Variants in RFWD3 observed in about 807,000 individuals in gnomAD.
RFWD3 encodes E3 ubiquitin-protein ligase RFWD3.
In RFWD3, 65 loss-of-function variants were observed where a neutral mutation model predicts 87.7. That is an observed-to-expected ratio of 0.74 (90% CI 0.61 to 0.91). RFWD3 has a LOEUF of 0.91. Ranked by LOEUF, RFWD3 falls within the 40% of genes least tolerant of loss-of-function variation. The pLI, the probability that RFWD3 is intolerant of heterozygous loss-of-function variation, is 0.00. For missense variants in RFWD3, 1,078 were observed against 938.5 expected (o/e 1.15, Z -1.94); for synonymous variants, 433 against 352.8 (o/e 1.23, Z -2.55).
chr16:74,662,765 G>A (rs1051035740), intron 1 of RFWD3, among the ~76,000 whole-genome samples: 3 of 152,206 alleles, frequency 2.0e-5, no homozygotes, highest in African/African-American at 4.8e-5. Context: ...CACTGTAGGG[G>A]TGCAAGAGCA....
intron 2 of RFWD3, among the ~76,000 whole-genome samples, chr16:74,656,039 C>T (rs987715015): frequency 2.0e-5 from 3 of 152,086 alleles, no homozygotes; most frequent in Non-Finnish European, 4.4e-5. Context: ...ACATATTCTG[C>T]AGCCCAACTT....
At chr16:74,659,537 G>C (rs1242028617) in intron 2 of RFWD3, among the ~76,000 whole-genome samples, 2 of 152,066 alleles carry the variant, frequency 1.3e-5, no homozygotes, top group African/African-American at 4.8e-5. Flanking sequence ...AGAGGTCCTG[G>C]TGAGCTGATA....
intron 2 of RFWD3, among the ~76,000 whole-genome samples, chr16:74,655,887 T>C (rs1302259503): frequency 1.3e-5 from 2 of 152,234 alleles, no homozygotes; most frequent in African/African-American, 4.8e-5. Flanking sequence ...GTTTAGAGTA[T>C]GTCTTACAAC....
At chr16:74,626,887 G>T (rs1338392509) in intron 11 of RFWD3, among the ~76,000 whole-genome samples, 1 of 152,120 alleles carries the variant, frequency 6.6e-6, no homozygotes, top group African/African-American at 2.4e-5. Flanking sequence ...TCTCTCTCAA[G>T]AATTCTCAGT....
intron 4 of RFWD3, among the ~76,000 whole-genome samples, chr16:74,647,019 G>A (rs546454441): frequency 2.0e-5 from 3 of 151,948 alleles, no homozygotes; most frequent in South Asian, 2.1e-4. Flanking sequence ...CCTGGGAGGC[G>A]GAGCCTGCAG....
At chr16:74,631,000 C>A in intron 9 of RFWD3, 43 bp from the exon 10 acceptor site, 1 of 1,507,806 alleles carries the variant, frequency 6.6e-7, no homozygotes, top group South Asian at 1.2e-5. Flanking sequence ...TTAAGAAAAT[C>A]AAATACATGA....
intron 10 of RFWD3, among the ~76,000 whole-genome samples, chr16:74,629,054 T>C (rs1347475670): frequency 2.6e-5 from 4 of 152,272 alleles, no homozygotes; most frequent in South Asian, 2.1e-4. Flanking sequence ...CAAGTTGTAG[T>C]TGACAGACCC....
chr16:74,660,158 T>C (rs1048169355), intron 2 of RFWD3, among the ~76,000 whole-genome samples: 1 of 152,130 alleles, frequency 6.6e-6, no homozygotes, highest in Non-Finnish European at 1.5e-5. Context: ...CAGGCTCCAA[T>C]ATCAGTGCTA....
At chr16:74,632,775 T>TA in intron 8 of RFWD3, 102 bp from the exon 9 acceptor site, 9 of 1,082,474 alleles carry the variant, frequency 8.3e-6, no homozygotes, top group Non-Finnish European at 1.2e-5. Flanking sequence ...TCTTGGCGTA[T>TA]AAGTCCTTGG....
At chr16:74,624,511 T>G (rs1447381897) in intron 12 of RFWD3, among the ~76,000 whole-genome samples, 2 of 152,182 alleles carry the variant, frequency 1.3e-5, no homozygotes, top group Non-Finnish European at 2.9e-5. Context: ...TTCTCATGCC[T>G]CAGCCTCCCA....
chr16:74,642,026 T>C (rs1032146315), intron 6 of RFWD3, among the ~76,000 whole-genome samples: 1 of 151,352 alleles, frequency 6.6e-6, no homozygotes, highest in African/African-American at 2.4e-5. Context: ...CATATATAGC[T>C]AATCAAATAC....
chr16:74,666,128 C>T (rs1475332225), intron 1 of RFWD3, among the ~76,000 whole-genome samples: 1 of 151,752 alleles, frequency 6.6e-6, no homozygotes, highest in Non-Finnish European at 1.5e-5. Context: ...AAATTAAATC[C>T]CTGTTCTTTT....
At chr16:74,646,921 A>G (rs1379288919) in intron 4 of RFWD3, among the ~76,000 whole-genome samples, 14 of 151,420 alleles carry the variant, frequency 9.2e-5, no homozygotes, top group Admixed American at 9.2e-4. Context: ...AACAACAACA[A>G]CAACAACAAC....
intron 12 of RFWD3, among the ~76,000 whole-genome samples, chr16:74,624,532 A>T (rs4500770): frequency 0.34 from 52,033 of 151,968 alleles, 9,202 homozygotes; most frequent in African/African-American, 0.38. Flanking sequence ...AGTAGCTGGG[A>T]TTACAGACAT....
At chr16:74,663,643 AT>A (rs889586848) in intron 1 of RFWD3, among the ~76,000 whole-genome samples, 4 of 152,186 alleles carry the variant, frequency 2.6e-5, no homozygotes, top group South Asian at 2.1e-4. Flanking sequence ...AACCTGAGAC[AT>A]TTTTTTAAGA....
At chr16:74,633,554 C>T (rs1959166849) in intron 8 of RFWD3, among the ~76,000 whole-genome samples, 1 of 152,004 alleles carries the variant, frequency 6.6e-6, no homozygotes, top group Non-Finnish European at 1.5e-5. Flanking sequence ...CTAGAAAATG[C>T]AAACTCATCT....
At chr16:74,658,058 A>T (rs1961138487) in intron 2 of RFWD3, among the ~76,000 whole-genome samples, 1 of 152,194 alleles carries the variant, frequency 6.6e-6, no homozygotes, top group Non-Finnish European at 1.5e-5. Flanking sequence ...GGAAAGGGGA[A>T]CTGTGAAAAC....
chr16:74,648,109 G>T (rs1245852801), intron 4 of RFWD3, among the ~76,000 whole-genome samples: 1 of 152,018 alleles, frequency 6.6e-6, no homozygotes, highest in Non-Finnish European at 1.5e-5. Context: ...CACACCTGGC[G>T]AATGTGCTTA....
intron 7 of RFWD3, among the ~76,000 whole-genome samples, chr16:74,636,872 G>C (rs984389255): frequency 6.6e-6 from 1 of 151,568 alleles, no homozygotes; most frequent in South Asian, 2.1e-4. Flanking sequence ...TACCATGCCC[G>C]GCTAATTTTT....
Sources: allele counts gnomAD v4.1 joint callset (sites outside exome capture counted in the v4.1 genomes callset), GRCh38; gene constraint gnomAD v4.1.1; transcripts MANE v1.5; gene names NCBI Gene and HGNC (gene_info 2026-07-23, HGNC 2026-07-21).